Variants in RNF115 observed in about 807,000 individuals in gnomAD.
RNF115 encodes ring finger protein 115, also known as E3 ubiquitin-protein ligase RNF115.
In RNF115, 31 loss-of-function variants were observed where a neutral mutation model predicts 39.2. The observed-to-expected ratio is 0.79, with a 90% CI of 0.59 to 1.07. The LOEUF is 1.07. Ranked by LOEUF, RNF115 falls within the 50% of genes least tolerant of loss-of-function variation. RNF115 has a pLI of 0.00. For missense variants in RNF115, 384 were observed against 381.7 expected (o/e 1.01, Z -0.05); for synonymous variants, 124 against 131.0 (o/e 0.95, Z 0.37).
Position 145,750,403 on chromosome 1 carries a change from C to T in RNF115, c.667+4G>A. ...TGACAGAATAAGTATAAAAATGAACCTACCAACTTGTTCCTGAGTTACTGT... is the reference window on the plus strand; with the variant it reads ...TGACAGAATAAGTATAAAAATGAACTTACCAACTTGTTCCTGAGTTACTGT... On this transcript the variant is annotated splice_donor_region_variant and intron_variant, in intron 7 of 8. Transcript: ENST00000582693. The T allele has an allele frequency of 6.2e-7, 1 of 1,605,956 alleles. No homozygotes were observed. Among genetic ancestry groups the T allele is most frequent in the East Asian group, 2.2e-5 (1 of 44,796 alleles).
At chr1:145,768,677 C>T (rs1368359568) in intron 4 of RNF115, among the ~76,000 whole-genome samples, 1 of 152,156 alleles carries the variant, frequency 6.6e-6, no homozygotes, top group African/African-American at 2.4e-5. Context: ...TGAGATGCAG[C>T]CCATGGAAAC....
At chr1:145,767,056 G>A (rs1480609742) in intron 4 of RNF115, among the ~76,000 whole-genome samples, 1 of 145,840 alleles carries the variant, frequency 6.9e-6, no homozygotes, top group East Asian at 2.1e-4. Context: ...CGGGGCGGCT[G>A]GCAGGGCAGG....
chr1:145,774,219 T>C (rs1239182729), intron 3 of RNF115, among the ~76,000 whole-genome samples: 2 of 152,126 alleles, frequency 1.3e-5, no homozygotes, highest in African/African-American at 4.8e-5. Flanking sequence ...TTGCTTTCCC[T>C]GATACGAATA....
intron 1 of RNF115, among the ~76,000 whole-genome samples, chr1:145,797,284 T>G (rs587712155): frequency 6.6e-6 from 1 of 152,304 alleles, no homozygotes; most frequent in African/African-American, 2.4e-5. Flanking sequence ...CAGCACCCAA[T>G]TAAAACCTCC....
chr1:145,777,422 G>C (rs1394550321), intron 3 of RNF115, among the ~76,000 whole-genome samples: 2 of 152,106 alleles, frequency 1.3e-5, no homozygotes, highest in Non-Finnish European at 2.9e-5. Flanking sequence ...AGTATACAAA[G>C]TGCAAATTAG....
chr1:145,752,930 A>T, intron 5 of RNF115, 48 bp downstream of exon 5: 1 of 1,349,360 alleles, frequency 7.4e-7, no homozygotes, highest in South Asian at 1.2e-5. Flanking sequence ...ACAGCACCTA[A>T]AATATGTCAC....
chr1:145,764,335 C>G (rs1364189550), intron 4 of RNF115, among the ~76,000 whole-genome samples: 1 of 152,216 alleles, frequency 6.6e-6, no homozygotes, highest in African/African-American at 2.4e-5. Context: ...CTGGCCGACA[C>G]CCCGTCTGGG....
chr1:145,761,565 C>T (rs893554573), intron 4 of RNF115, among the ~76,000 whole-genome samples: 2 of 152,234 alleles, frequency 1.3e-5, no homozygotes, highest in African/African-American at 4.8e-5. Flanking sequence ...GCACTGAAGA[C>T]AAGAACTGAG....
chr1:145,780,530 T>C (rs1648091617), intron 3 of RNF115, among the ~76,000 whole-genome samples: 1 of 138,580 alleles, frequency 7.2e-6, no homozygotes. Context: ...TGAGGCAGGA[T>C]AATCGCTTGA....
intron 1 of RNF115, among the ~76,000 whole-genome samples, chr1:145,802,854 T>C (rs1649308450): frequency 1.3e-5 from 2 of 152,314 alleles, no homozygotes; most frequent in East Asian, 3.9e-4. Context: ...CAGTACCCAC[T>C]ATACTTTTAC....
chr1:145,769,814 A>G (rs587622680), intron 4 of RNF115, among the ~76,000 whole-genome samples: 1 of 151,962 alleles, frequency 6.6e-6, no homozygotes, highest in African/African-American at 2.4e-5. Flanking sequence ...ATGTGTTAAG[A>G]GACTCCAGCC....
intron 1 of RNF115, among the ~76,000 whole-genome samples, chr1:145,791,665 A>G (rs587722831): frequency 1.4e-4 from 21 of 152,344 alleles, no homozygotes; most frequent in African/African-American, 4.6e-4. Flanking sequence ...AATACCCTAC[A>G]GAAATGGCAA....
At chr1:145,822,215 G>A (rs1260426494) in intron 1 of RNF115, among the ~76,000 whole-genome samples, 6 of 151,780 alleles carry the variant, frequency 4.0e-5, no homozygotes, top group African/African-American at 1.4e-4. Context: ...TATAGTCCCA[G>A]CTACCCGGAG....
chr1:145,789,062 T>C lies in RNF115; in HGVS notation c.103-96A>G, dbSNP rs587639368. The C allele has an allele frequency of 9.4e-6, 7 of 748,096 alleles. No individual in the cohort carries two copies. The South Asian group carries it at 9.8e-5, about 10-fold the overall frequency. The allele number at this position is 748,096 out of a possible 1,614,324, so 46.3% of individuals were successfully genotyped here. On this transcript the variant is annotated intron_variant, in intron 1 of 8. Coordinates refer to ENST00000582693, the MANE Select transcript of RNF115 (RefSeq NM_014455.4). Reference sequence around the variant, plus strand: ...TAACATGCAGTATACAAGCTGAGGCTCTGAAATGTTCTATGTACTCGCTGA... The same window carrying C: ...TAACATGCAGTATACAAGCTGAGGCCCTGAAATGTTCTATGTACTCGCTGA...
chr1:145,819,118 T>C (rs370882853), intron 1 of RNF115, among the ~76,000 whole-genome samples: 6,956 of 133,704 alleles, frequency 0.052, no homozygotes, highest in East Asian at 0.18. Context: ...AACAGACCAA[T>C]GACGAGTTCC....
intron 1 of RNF115, among the ~76,000 whole-genome samples, chr1:145,805,491 TACCA>T: frequency 6.6e-6 from 1 of 152,188 alleles, no homozygotes; most frequent in African/African-American, 2.4e-5. Context: ...CAGTCAACAT[TACCA>T]GCATTATTGC....
chr1:145,785,506 G>T (rs1355311878), intron 2 of RNF115, among the ~76,000 whole-genome samples: 2 of 152,096 alleles, frequency 1.3e-5, no homozygotes, highest in Non-Finnish European at 2.9e-5. Flanking sequence ...CATGAAATTT[G>T]CAAAGAACAA....
At chr1:145,790,730 C>A (rs1648626380) in intron 1 of RNF115, among the ~76,000 whole-genome samples, 1 of 152,034 alleles carries the variant, frequency 6.6e-6, no homozygotes, top group South Asian at 2.1e-4. Flanking sequence ...CCGTGCCTGG[C>A]CTATTTTTTT....
intron 4 of RNF115, among the ~76,000 whole-genome samples, chr1:145,769,229 ACT>A (rs76106615): frequency 6.6e-6 from 1 of 152,094 alleles, no homozygotes; most frequent in African/African-American, 2.4e-5. Flanking sequence ...ATTTACCTAA[ACT>A]CTCTGTGCCT....
Sources: gnomAD v4.1 joint callset for allele counts (sites outside exome capture counted in the v4.1 genomes callset) on GRCh38, gnomAD v4.1.1 for gene constraint, MANE v1.5 for transcripts, NCBI Gene and HGNC (gene_info 2026-07-23, HGNC 2026-07-21) for gene names.